The following DOCK8 variants were observed in gnomAD, a reference collection of about 807,000 sequenced individuals.
The protein encoded by DOCK8 is dedicator of cytokinesis 8, also known as dedicator of cytokinesis protein 8.
Under a neutral mutation model 245.6 loss-of-function variants are expected in DOCK8, and 141 were observed. The observed-to-expected ratio is 0.57, with a 90% CI of 0.50 to 0.66. The LOEUF is 0.66. Among genes scored for constraint, DOCK8 ranks in the 30% least tolerant of loss-of-function variants. DOCK8 has a pLI of 0.00. For missense variants in DOCK8, 2,965 were observed against 2,603.4 expected, an observed-to-expected ratio of 1.14 and a Z score of -3.02; for synonymous variants, 1,168 against 970.2, an observed-to-expected ratio of 1.20 and a Z score of -3.79.
At chr9:343,498 AT>A (rs796629358) in intron 14 of DOCK8, among the ~76,000 whole-genome samples, 46 of 151,002 alleles carry the variant, frequency 3.0e-4, no homozygotes, top group East Asian at 1.7e-3. Flanking sequence ...AAAAAAAAAA[AT>A]AATTTAGAAA....
chr9:278,542 G>C (rs2048450158), intron 2 of DOCK8, among the ~76,000 whole-genome samples: 1 of 152,220 alleles, frequency 6.6e-6, no homozygotes, highest in Non-Finnish European at 1.5e-5. Context: ...TGTCGATTGT[G>C]TCAGGGAGTA....
chr9:371,883 T>C (rs575654901), intron 17 of DOCK8, among the ~76,000 whole-genome samples: 1 of 152,208 alleles, frequency 6.6e-6, no homozygotes, highest in Non-Finnish European at 1.5e-5. Flanking sequence ...GAAGAAACCA[T>C]TTTTTCTTTA....
At position 463,676 on chromosome 9, in the gene DOCK8, G is replaced by A. The variant is rs1309212281; in HGVS notation, c.6228G>A (p.Glu2076=). 1 of 1,613,668 alleles carries A rather than the reference G, an allele frequency of 6.2e-7. No individual in the cohort carries two copies. The highest frequency in any genetic ancestry group is 1.7e-5 in the Admixed American group (1 of 60,002). Reference sequence around the variant, plus strand: ...TGTACAAGCCAATATTCAGAGTTGAGAGTCAAAAGAGGTAAGAACAGGGCA... The same window carrying A: ...TGTACAAGCCAATATTCAGAGTTGAAAGTCAAAAGAGGTAAGAACAGGGCA... ...PELYKPIFRV[E]SQKRDSFHRS... is the part of the protein sequence containing the mutation. The change falls in exon 47 of 48, where the codon GAG becomes GAA. Residue 2076 remains glutamate, a synonymous_variant. Coordinates refer to ENST00000432829, the MANE Select transcript of DOCK8 (RefSeq NM_203447.4).
At chr9:325,635 C>T (rs1223604365) in intron 7 of DOCK8, 36 bp from the exon 8 acceptor site, 1 of 1,588,956 alleles carries the variant, frequency 6.3e-7, no homozygotes, top group African/African-American at 1.3e-5. Context: ...TTATCTAACT[C>T]AAAGCCACAT....
intron 1 of DOCK8, among the ~76,000 whole-genome samples, chr9:238,430 A>C (rs573823422): frequency 6.6e-6 from 1 of 152,202 alleles, no homozygotes; most frequent in African/African-American, 2.4e-5. Context: ...CTTGGTAGAT[A>C]CTCAAAAAAG....
intron 33 of DOCK8, among the ~76,000 whole-genome samples, chr9:423,199 GAAAT>G (rs2056348806): frequency 6.6e-6 from 1 of 151,988 alleles, no homozygotes; most frequent in East Asian, 1.9e-4. Flanking sequence ...AAATTATAAA[GAAAT>G]GAAAGAATAA....
intron 1 of DOCK8, among the ~76,000 whole-genome samples, chr9:259,215 A>T (rs563457313): frequency 6.6e-6 from 1 of 152,126 alleles, no homozygotes; most frequent in African/African-American, 2.4e-5. Context: ...AGGTAGGAGG[A>T]TCTCGTAAGT....
chr9:342,070 C>A (rs567534437), intron 14 of DOCK8, among the ~76,000 whole-genome samples: 1 of 152,210 alleles, frequency 6.6e-6, no homozygotes, highest in East Asian at 1.9e-4. Flanking sequence ...ATAATTATTT[C>A]ATTATATATT....
intron 26 of DOCK8, among the ~76,000 whole-genome samples, chr9:402,368 C>T (rs1406010426): frequency 1.3e-5 from 2 of 152,198 alleles, no homozygotes; most frequent in Admixed American, 6.5e-5. Flanking sequence ...CCATTAATTA[C>T]TTCTGTGATT....
intron 5 of DOCK8, among the ~76,000 whole-genome samples, chr9:306,793 G>C (rs1586656652): frequency 6.6e-6 from 1 of 152,248 alleles, no homozygotes; most frequent in Non-Finnish European, 1.5e-5. Flanking sequence ...CACAATTTGA[G>C]GACTGCAGGT....
intron 14 of DOCK8, among the ~76,000 whole-genome samples, chr9:346,440 A>G (rs899245435): frequency 2.6e-5 from 4 of 152,152 alleles, no homozygotes; most frequent in Non-Finnish European, 4.4e-5. Context: ...ATCACAGGCA[A>G]TGAGGTTGTA....
At chr9:301,987 A>T (rs1048824778) in intron 4 of DOCK8, among the ~76,000 whole-genome samples, 1 of 150,790 alleles carries the variant, frequency 6.6e-6, no homozygotes, top group Non-Finnish European at 1.5e-5. Flanking sequence ...CACAGAATTT[A>T]AAAAAAAAAA....
chr9:300,711 T>C (rs927322744), intron 4 of DOCK8, among the ~76,000 whole-genome samples: 6 of 152,078 alleles, frequency 3.9e-5, no homozygotes, highest in African/African-American at 1.4e-4. Context: ...GAGACTGTTA[T>C]AAATACCCCT....
At chr9:404,797 ATTAG>A in intron 26 of DOCK8, 117 bp from the exon 27 acceptor site, 2 of 1,019,000 alleles carry the variant, frequency 2.0e-6, no homozygotes, top group South Asian at 1.4e-5. Context: ...GCACTATCCC[ATTAG>A]TTTTTATTAA....
chr9:414,856 G>A lies in DOCK8; in HGVS notation c.3605G>A (p.Cys1202Tyr), dbSNP rs1442356894. 1 of 1,614,230 alleles carries A rather than the reference G, an allele frequency of 6.2e-7. No homozygotes were observed. The highest frequency in any genetic ancestry group is 1.7e-5 in the Admixed American group (1 of 60,032). ...LLSSHDLDPR[C>Y]VKPEVKVKIA... ...AGTTCTCACGACCTGGACCCACGCT[G>A]TGTCAAACCAGAGGTGAAGGTCAAA... The change falls in exon 29 of 48, where the codon TGT (cysteine) becomes TAT (tyrosine). Residue 1202 changes from cysteine to tyrosine, a missense_variant. Transcript: ENST00000432829.
At chr9:312,234 T>G in intron 6 of DOCK8, 68 bp downstream of exon 6, 5 of 1,553,208 alleles carry the variant, frequency 3.2e-6, no homozygotes, top group Middle Eastern at 1.7e-4. Flanking sequence ...GACAATTGTG[T>G]TGTTCATTAT....
chr9:315,995 C>T (rs891003546), intron 6 of DOCK8, among the ~76,000 whole-genome samples: 1 of 151,266 alleles, frequency 6.6e-6, no homozygotes, highest in African/African-American at 2.5e-5. Context: ...TAAACTCAGC[C>T]ATTCCACCCA....
intron 7 of DOCK8, 140 bp from the exon 8 acceptor site, chr9:325,531 G>A (rs1051963213): frequency 1.1e-5 from 8 of 741,996 alleles, no homozygotes; most frequent in African/African-American, 5.2e-5. Context: ...ATCCCAGTGC[G>A]ATTCTCATAT....
intron 18 of DOCK8, among the ~76,000 whole-genome samples, chr9:372,748 A>C (rs115169956): frequency 0.014 from 2,091 of 152,300 alleles, 54 homozygotes; most frequent in African/African-American, 0.047. Flanking sequence ...TGTTTCTGGC[A>C]CTTTCTCTTG....
Sources: gnomAD v4.1 joint callset for allele counts (sites outside exome capture counted in the v4.1 genomes callset) on GRCh38, gnomAD v4.1.1 for gene constraint, MANE v1.5 for transcripts, NCBI Gene and HGNC (gene_info 2026-07-23, HGNC 2026-07-21) for gene names.